CNTNAP5: variants seen among roughly 807,000 people sequenced by gnomAD.
CNTNAP5 encodes the protein contactin associated protein family member 5.
In CNTNAP5, 72 loss-of-function variants were observed where a neutral mutation model predicts 150.2. The observed-to-expected ratio is 0.48, with a 90% confidence interval of 0.40 to 0.58. CNTNAP5 has a LOEUF of 0.58. Ranked by LOEUF, CNTNAP5 falls within the 20% of genes least tolerant of loss-of-function variation. CNTNAP5 has a pLI of 0.00. For missense variants in CNTNAP5, 1,636 were observed against 1,626.2 expected (o/e 1.01, Z -0.10); for synonymous variants, 672 against 619.8 (o/e 1.08, Z -1.25).
chr2:124,266,622 C>T (rs1687613322), intron 3 of CNTNAP5, among the ~76,000 whole-genome samples: 1 of 152,118 alleles, frequency 6.6e-6, no homozygotes, highest in Non-Finnish European at 1.5e-5. Context: ...GAGTATTTTT[C>T]CTGATGCTTT....
At chr2:124,300,149 G>A (rs1688539182) in intron 3 of CNTNAP5, among the ~76,000 whole-genome samples, 1 of 152,264 alleles carries the variant, frequency 6.6e-6, no homozygotes. Flanking sequence ...AGACAGCAAA[G>A]TCATGACTCA....
chr2:124,621,122 A>G (rs1227745017), intron 12 of CNTNAP5, among the ~76,000 whole-genome samples: 1 of 152,148 alleles, frequency 6.6e-6, no homozygotes, highest in Non-Finnish European at 1.5e-5. Context: ...CTCAGTTTAC[A>G]TTGTGCCTTT....
intron 3 of CNTNAP5, among the ~76,000 whole-genome samples, chr2:124,347,685 T>C (rs1254246544): frequency 2.6e-5 from 4 of 152,220 alleles, no homozygotes; most frequent in African/African-American, 9.6e-5. Flanking sequence ...CTTTAGCAGC[T>C]AATTCACAAC....
intron 3 of CNTNAP5, among the ~76,000 whole-genome samples, chr2:124,271,690 TATCTATCTATC>T (rs1268665777): frequency 4.3e-5 from 5 of 117,160 alleles, no homozygotes; most frequent in African/African-American, 1.6e-4. Context: ...TCTATCTATC[TATCTATCTATC>T]ATCTATCTAT....
chr2:124,117,740 C>T (rs2104712675), intron 1 of CNTNAP5, among the ~76,000 whole-genome samples: 1 of 152,278 alleles, frequency 6.6e-6, no homozygotes, highest in South Asian at 2.1e-4. Context: ...GATTAAATCA[C>T]TTAATTAAAT....
rs143582271 is a variant in CNTNAP5 at position 124,826,845 on chromosome 2, C to T, written c.3217+28525C>T. Among the ~76,000 whole-genome samples the T allele has an allele frequency of 2.0e-3, 303 of 152,284 alleles. 6 individuals are homozygous for T. Among genetic ancestry groups the T allele is most frequent in the Non-Finnish European group, 6.6e-4 (45 of 68,008 alleles). On this transcript the variant is annotated intron_variant, in intron 19 of 23. Coordinates refer to ENST00000682447, the MANE Select transcript of CNTNAP5 (RefSeq NM_001367498.1). ...CTTCCCAGACCTCTTCCTGAAGATC[C>T]TGTTTGATTGCATCTGTGATGAGCC...
At chr2:124,895,051 A>T (rs1213744462) in intron 21 of CNTNAP5, among the ~76,000 whole-genome samples, 2 of 151,546 alleles carry the variant, frequency 1.3e-5, no homozygotes, top group Non-Finnish European at 2.9e-5. Flanking sequence ...AAAGTGAAAA[A>T]TTAATTTAGC....
chr2:124,309,173 C>T (rs1029703285), intron 3 of CNTNAP5, among the ~76,000 whole-genome samples: 38 of 152,146 alleles, frequency 2.5e-4, no homozygotes, highest in African/African-American at 6.0e-4. Flanking sequence ...AAAAGTTATG[C>T]AATGTGTTCT....
intron 3 of CNTNAP5, among the ~76,000 whole-genome samples, chr2:124,318,725 A>T (rs1689026980): frequency 6.6e-6 from 1 of 152,204 alleles, no homozygotes; most frequent in African/African-American, 2.4e-5. Context: ...AATCCTGGCT[A>T]CACAGCCTCT....
At chr2:124,073,040 C>A (rs929502474) in intron 1 of CNTNAP5, among the ~76,000 whole-genome samples, 2 of 151,870 alleles carry the variant, frequency 1.3e-5, no homozygotes, top group Non-Finnish European at 2.9e-5. Context: ...AATAGAGAAC[C>A]CAGAAATGAA....
At chr2:124,457,176 C>A (rs1380694632) in intron 6 of CNTNAP5, among the ~76,000 whole-genome samples, 1 of 152,042 alleles carries the variant, frequency 6.6e-6, no homozygotes, top group Non-Finnish European at 1.5e-5. Flanking sequence ...ATCTTTGTCA[C>A]ATCCAATGAC....
chr2:124,571,569 C>G (rs1360084441), intron 11 of CNTNAP5, among the ~76,000 whole-genome samples: 1 of 49,494 alleles, frequency 2.0e-5, no homozygotes, highest in Non-Finnish European at 3.4e-5. Context: ...CTCACTCTGT[C>G]ACCCACAGGC....
At chr2:124,816,432 C>T (rs933578021) in intron 19 of CNTNAP5, among the ~76,000 whole-genome samples, 15 of 150,522 alleles carry the variant, frequency 1.0e-4, no homozygotes, top group African/African-American at 2.5e-4. Flanking sequence ...CCAAAGGCCA[C>T]GAAAGTTCCT....
chr2:124,499,874 T>A (rs1694237079), intron 7 of CNTNAP5, among the ~76,000 whole-genome samples: 1 of 152,098 alleles, frequency 6.6e-6, no homozygotes, highest in Non-Finnish European at 1.5e-5. Context: ...GAAAGAGAGA[T>A]TGAGATTTAT....
intron 11 of CNTNAP5, among the ~76,000 whole-genome samples, chr2:124,578,156 C>CAAAAAAAAAA (rs556786620): frequency 6.9e-4 from 48 of 69,410 alleles, no homozygotes; most frequent in Middle Eastern, 0.012. Context: ...ACTAAAAATA[C>CAAAAAAAAAA]AAAAAAAAAA....
At chr2:124,746,663 G>A (rs767392910) in intron 13 of CNTNAP5, among the ~76,000 whole-genome samples, 2 of 152,184 alleles carry the variant, frequency 1.3e-5, no homozygotes, top group Non-Finnish European at 2.9e-5. Flanking sequence ...TTCTTCACCT[G>A]AGTCTTTAAC....
At chr2:124,597,227 A>T (rs1476074064) in intron 11 of CNTNAP5, among the ~76,000 whole-genome samples, 1 of 148,454 alleles carries the variant, frequency 6.7e-6, no homozygotes, top group Non-Finnish European at 1.5e-5. Flanking sequence ...GATGCAGTTT[A>T]TTCCTAGTCT....
At chr2:124,198,457 C>T (rs751812218) in intron 1 of CNTNAP5, among the ~76,000 whole-genome samples, 23 of 151,874 alleles carry the variant, frequency 1.5e-4, no homozygotes, top group Middle Eastern at 3.2e-3. Context: ...ACATGTGCAG[C>T]TTTTTCATGA....
At chr2:124,750,737 G>A (rs958867204) in intron 14 of CNTNAP5, among the ~76,000 whole-genome samples, 3 of 152,020 alleles carry the variant, frequency 2.0e-5, no homozygotes, top group African/African-American at 7.2e-5. Context: ...TGTAATCCCA[G>A]CACTTTGGGA....
Sources: allele counts gnomAD v4.1 joint callset (sites outside exome capture counted in the v4.1 genomes callset), GRCh38; gene constraint gnomAD v4.1.1; transcripts MANE v1.5; gene names NCBI Gene and HGNC (gene_info 2026-07-23, HGNC 2026-07-21).